The following BMAL1 variants were observed in gnomAD, a reference collection of about 807,000 sequenced individuals.
BMAL1 encodes basic helix-loop-helix ARNT-like protein 1.
chr11:13,338,175 CT>C, the BMAL1 span, among the ~76,000 whole-genome samples: 1 of 151,902 alleles, frequency 6.6e-6, no homozygotes. Flanking sequence ...ACTGAAATCA[CT>C]GAAGTTTGTG....
the BMAL1 span, among the ~76,000 whole-genome samples, chr11:13,332,639 C>A: frequency 2.6e-5 from 4 of 152,174 alleles, no homozygotes; most frequent in African/African-American, 9.7e-5. Context: ...AGCTCTGAAC[C>A]AATTTTCAAA....
the BMAL1 span, among the ~76,000 whole-genome samples, chr11:13,284,234 G>GTATATATA: frequency 7.0e-4 from 3 of 4,294 alleles, no homozygotes; most frequent in South Asian, 0.039. Flanking sequence ...ATATGTGTGT[G>GTATATATA]TATATATATA....
the BMAL1 span, among the ~76,000 whole-genome samples, chr11:13,333,774 C>G: frequency 1.3e-5 from 2 of 152,144 alleles, no homozygotes; most frequent in African/African-American, 4.8e-5. Context: ...GCAGATCTGC[C>G]TTTTGGCAGT....
At chr11:13,318,358 C>A in the BMAL1 span, among the ~76,000 whole-genome samples, 1 of 152,068 alleles carries the variant, frequency 6.6e-6, no homozygotes, top group African/African-American at 2.4e-5. Context: ...CTTCTCTCCT[C>A]TCTGTGGGAT....
the BMAL1 span, chr11:13,356,947 T>G: frequency 6.3e-7 from 1 of 1,590,798 alleles, no homozygotes; most frequent in Admixed American, 1.8e-5. Flanking sequence ...TCCCCTTGTG[T>G]GTCTGCAGAG....
At chr11:13,317,552 T>C in the BMAL1 span, among the ~76,000 whole-genome samples, 1 of 152,326 alleles carries the variant, frequency 6.6e-6, no homozygotes, top group Non-Finnish European at 1.5e-5. Context: ...ACAGAAGTTC[T>C]TAGAGGTTCA....
At chr11:13,321,536 G>C in the BMAL1 span, among the ~76,000 whole-genome samples, 1 of 152,066 alleles carries the variant, frequency 6.6e-6, no homozygotes, top group East Asian at 1.9e-4. Context: ...TTGGGGTCCT[G>C]CTCATAGTAG....
chr11:13,356,920 G>A, the BMAL1 span: 8 of 1,584,998 alleles, frequency 5.0e-6, no homozygotes, highest in Non-Finnish European at 6.9e-6. Context: ...CGCTCACTGT[G>A]TCCCTCCAAC....
At chr11:13,319,121 T>C in the BMAL1 span, among the ~76,000 whole-genome samples, 1 of 152,256 alleles carries the variant, frequency 6.6e-6, no homozygotes, top group East Asian at 1.9e-4. Flanking sequence ...GTTCTGCAAC[T>C]TTCTTTTTAC....
the BMAL1 span, among the ~76,000 whole-genome samples, chr11:13,384,564 G>C: frequency 6.6e-6 from 1 of 152,202 alleles, no homozygotes. Flanking sequence ...TATTTGAAAA[G>C]TCTATTAAAA....
chr11:13,326,473 C>G, the BMAL1 span: 68 of 152,282 alleles, frequency 4.5e-4, no homozygotes, highest in African/African-American at 1.6e-3. Flanking sequence ...CTGTGGTAAG[C>G]ACTTCACATG....
the BMAL1 span, among the ~76,000 whole-genome samples, chr11:13,297,551 G>T: frequency 6.6e-6 from 1 of 152,246 alleles, no homozygotes; most frequent in African/African-American, 2.4e-5. Flanking sequence ...GTGGGTATTG[G>T]TGTGAGGGTG....
At chr11:13,334,794 C>T in the BMAL1 span, among the ~76,000 whole-genome samples, 5 of 152,204 alleles carry the variant, frequency 3.3e-5, no homozygotes, top group African/African-American at 9.6e-5. Flanking sequence ...TCCCTGGTGC[C>T]TCTAGCCAGG....
At chr11:13,297,769 C>T in the BMAL1 span, among the ~76,000 whole-genome samples, 1 of 152,206 alleles carries the variant, frequency 6.6e-6, no homozygotes, top group Admixed American at 6.5e-5. Context: ...TGACATTGGG[C>T]AAGTGACCAG....
chr11:13,315,763 C>T, the BMAL1 span, among the ~76,000 whole-genome samples: 1 of 152,166 alleles, frequency 6.6e-6, no homozygotes, highest in African/African-American at 2.4e-5. Flanking sequence ...GGCAGGAGTA[C>T]CTAGGACTCT....
the BMAL1 span, among the ~76,000 whole-genome samples, chr11:13,289,130 T>C: frequency 6.6e-6 from 1 of 152,200 alleles, no homozygotes; most frequent in Non-Finnish European, 1.5e-5. Flanking sequence ...GTTGAGCCCT[T>C]TTCAGTGTAT....
the BMAL1 span, among the ~76,000 whole-genome samples, chr11:13,364,612 A>T: frequency 1.3e-5 from 2 of 152,046 alleles, no homozygotes; most frequent in Non-Finnish European, 2.9e-5. Context: ...TCACCGGAAG[A>T]CCCCAGCAGG....
the BMAL1 span, among the ~76,000 whole-genome samples, chr11:13,295,535 G>A: frequency 6.6e-6 from 1 of 151,964 alleles, no homozygotes; most frequent in Admixed American, 6.6e-5. Context: ...AGGAGGTGGA[G>A]GAGACCCCTT....
At chr11:13,374,017 G>C in the BMAL1 span, 1 of 1,289,046 alleles carries the variant, frequency 7.8e-7, no homozygotes, top group Non-Finnish European at 1.1e-6. Context: ...GGCTGTAGCA[G>C]GGTTTATCCA....
Sources: gnomAD v4.1 joint callset for allele counts (sites outside exome capture counted in the v4.1 genomes callset) on GRCh38, gnomAD v4.1.1 for gene constraint, MANE v1.5 for transcripts, NCBI Gene and HGNC (gene_info 2026-07-23, HGNC 2026-07-21) for gene names.